HLCS: variants seen among roughly 807,000 people sequenced by gnomAD.
HLCS encodes the protein biotin--protein ligase.
Under a neutral mutation model 75.0 loss-of-function variants are expected in HLCS, and 53 were observed. The ratio of observed to expected loss-of-function variants is 0.71; its 90% CI spans 0.57 to 0.89. The LOEUF is 0.89. HLCS is among the 40% of genes least tolerant of loss of function. HLCS has a pLI of 0.00. For missense variants in HLCS, 966 were observed against 1,074.0 expected (o/e 0.90, Z 1.41); for synonymous variants, 431 against 428.6 (o/e 1.01, Z -0.07).
At chr21:36,819,885 T>C (rs2061774641) in intron 6 of HLCS, among the ~76,000 whole-genome samples, 1 of 152,208 alleles carries the variant, frequency 6.6e-6, no homozygotes, top group Non-Finnish European at 1.5e-5. Context: ...TCTGAAAGAT[T>C]GCAAGTTCCC....
chr21:36,957,929 GAA>G (rs58789618), intron 2 of HLCS, among the ~76,000 whole-genome samples: 5 of 64,378 alleles, frequency 7.8e-5, no homozygotes, highest in Non-Finnish European at 6.2e-5. Flanking sequence ...ACTGCGTCTC[GAA>G]AAAAAAAAAA....
In HLCS at chr21:36,895,491, CACA is replaced by C. The variant is rs529759897; in HGVS notation, c.1892+1366_1892+1368del. ...TATGACATCACAAATTAACTCAGTA[CACA>C]ACAATTACTAATGAACACGGCTCAC... On this transcript the variant is annotated intron_variant, in intron 6 of 10. Coordinates refer to ENST00000674895, the MANE Select transcript of HLCS (RefSeq NM_001352514.2). Among the ~76,000 whole-genome samples the C allele has an allele frequency of 1.9e-3, 284 of 152,186 alleles. 2 individuals carry two copies. Among genetic ancestry groups the C allele is most frequent in the African/African-American group, 6.4e-3 (264 of 41,542 alleles).
intron 6 of HLCS, among the ~76,000 whole-genome samples, chr21:36,819,702 G>A (rs1414970814): frequency 6.6e-6 from 1 of 152,036 alleles, no homozygotes; most frequent in Non-Finnish European, 1.5e-5. Flanking sequence ...GCTCAGAGAG[G>A]GCGAGTCAGG....
chr21:36,816,779 A>C (rs1429789519), intron 6 of HLCS, among the ~76,000 whole-genome samples: 1 of 152,254 alleles, frequency 6.6e-6, no homozygotes, highest in African/African-American at 2.4e-5. Flanking sequence ...AAAGGCAAGA[A>C]GCTCATAGCC....
chr21:36,763,880 A>G (rs2089939945), intron 8 of HLCS, among the ~76,000 whole-genome samples: 2 of 152,210 alleles, frequency 1.3e-5, no homozygotes, highest in Admixed American at 1.3e-4. Context: ...GGAAGCAGGC[A>G]CACGGGTCCT....
intron 6 of HLCS, among the ~76,000 whole-genome samples, chr21:36,846,547 G>A (rs1471631168): frequency 6.6e-6 from 1 of 152,028 alleles, no homozygotes; most frequent in Non-Finnish European, 1.5e-5. Context: ...TATTTGCTTT[G>A]TTTTTGGCGA....
At chr21:36,966,994 C>T (rs919246724), upstream of HLCS, among the ~76,000 whole-genome samples, 1 of 151,678 alleles carries the variant, frequency 6.6e-6, no homozygotes, top group Admixed American at 6.6e-5. Context: ...GGGTGCGGGG[C>T]CGCGCCAGGG....
intron 2 of HLCS, chr21:36,947,615 T>G: frequency 1.0e-6 from 1 of 985,424 alleles, no homozygotes. Flanking sequence ...AGGAGTTTCC[T>G]CCTATAATAG....
intron 1 of HLCS, among the ~76,000 whole-genome samples, 151 bp downstream of exon 1, chr21:36,966,293 G>C (rs1240347942): frequency 6.6e-6 from 1 of 152,126 alleles, no homozygotes; most frequent in Non-Finnish European, 1.5e-5. Flanking sequence ...CTGGGCCCCG[G>C]GGCAACAGCC....
chr21:36,794,487 AG>A (rs564389660), intron 6 of HLCS, among the ~76,000 whole-genome samples: 319 of 152,270 alleles, frequency 2.1e-3, no homozygotes, highest in African/African-American at 7.3e-3. Flanking sequence ...GGGATTGGAG[AG>A]GAACAAAAAG....
At chr21:36,784,981 T>A (rs905102590) in intron 6 of HLCS, among the ~76,000 whole-genome samples, 2 of 152,196 alleles carry the variant, frequency 1.3e-5, no homozygotes, top group African/African-American at 4.8e-5. Context: ...CAAAGGAACC[T>A]GAAGGTAACG....
intron 6 of HLCS, among the ~76,000 whole-genome samples, chr21:36,873,955 TC>T (rs2063860847): frequency 6.6e-6 from 1 of 152,202 alleles, no homozygotes; most frequent in Admixed American, 6.5e-5. Flanking sequence ...TTGCTTTCTG[TC>T]ATCAGTTTAA....
intron 5 of HLCS, among the ~76,000 whole-genome samples, chr21:36,912,598 G>A (rs2065766445): frequency 6.6e-6 from 1 of 152,148 alleles, no homozygotes; most frequent in African/African-American, 2.4e-5. Context: ...TAGTGTGGGT[G>A]TAATTTACAC....
At chr21:36,850,623 C>A (rs1282077434) in intron 6 of HLCS, among the ~76,000 whole-genome samples, 2 of 152,218 alleles carry the variant, frequency 1.3e-5, no homozygotes, top group Non-Finnish European at 2.9e-5. Context: ...CCCTGTTCCT[C>A]CCAGTTCCCT....
chr21:36,806,691 G>A (rs1178120297), intron 6 of HLCS, among the ~76,000 whole-genome samples: 2 of 152,174 alleles, frequency 1.3e-5, no homozygotes, highest in East Asian at 3.9e-4. Context: ...GACGAGGTAG[G>A]GGAAGTCAGC....
At chr21:36,926,107 G>A (rs990078052) in intron 5 of HLCS, among the ~76,000 whole-genome samples, 3 of 152,218 alleles carry the variant, frequency 2.0e-5, no homozygotes, top group Admixed American at 2.0e-4. Context: ...GCCATGTGGT[G>A]TATCAGTCTC....
At chr21:36,952,682 C>A (rs2146611219) in intron 2 of HLCS, among the ~76,000 whole-genome samples, 1 of 151,294 alleles carries the variant, frequency 6.6e-6, no homozygotes, top group East Asian at 2.0e-4. Flanking sequence ...CTCCAACTAC[C>A]CGGGAGGCTG....
chr21:36,756,112 C>G (rs1193358940), intron 10 of HLCS, among the ~76,000 whole-genome samples: 1 of 152,100 alleles, frequency 6.6e-6, no homozygotes, highest in East Asian at 1.9e-4. Flanking sequence ...AGAAAATAAT[C>G]ATTCAGACCA....
chr21:36,796,733 T>C (rs2061037084), intron 6 of HLCS, among the ~76,000 whole-genome samples: 1 of 152,208 alleles, frequency 6.6e-6, no homozygotes, highest in Admixed American at 6.5e-5. Context: ...CTGAGGGATA[T>C]GTGGGGGACC....
Sources: allele counts gnomAD v4.1 joint callset (sites outside exome capture counted in the v4.1 genomes callset), GRCh38; gene constraint gnomAD v4.1.1; transcripts MANE v1.5; gene names NCBI Gene and HGNC (gene_info 2026-07-23, HGNC 2026-07-21).